The following NEMF variants were observed in gnomAD, a reference collection of about 807,000 sequenced individuals.
The protein encoded by NEMF is nuclear export mediator factor.
Under a neutral mutation model 162.2 loss-of-function variants are expected in NEMF, and 89 were observed. The observed-to-expected ratio is 0.55, with a 90% CI of 0.46 to 0.65. The LOEUF is 0.65. Among genes scored for constraint, NEMF ranks in the 30% least tolerant of loss-of-function variants. The probability of loss-of-function intolerance (pLI) is 0.00; values close to 1 mark genes in which losing one functional copy is unlikely to be tolerated. For synonymous variants in NEMF, 421 were observed against 404.5 expected (o/e 1.04, Z -0.49); for missense variants, 1,133 against 1,261.9 (o/e 0.90, Z 1.55).
At position 49,838,197 on chromosome 14, in the gene NEMF, T is replaced by A; in HGVS notation, c.516A>T (p.Glu172Asp). 6.2e-7 allele frequency: 1 copy of A among 1,613,920 alleles called. No individual in the cohort carries two copies. Among genetic ancestry groups the A allele is most frequent in the Non-Finnish European group, 8.5e-7 (1 of 1,179,854 alleles). Residue 172 changes from glutamate (E) to aspartate (D), a missense_variant, in exon 6 of 33, where the codon GAA becomes GAT. Glu to Asp is a conservative substitution (Grantham distance 45). Around this residue, in one of 3 missense-constraint regions of NEMF, gnomAD observed 582 missense variants for 631.5 expected, o/e 0.92. Coordinates refer to ENST00000298310, the MANE Select transcript of NEMF (RefSeq NM_004713.6). The stretch of plus-strand genomic sequence containing the variant: ...CACCCTTAGGTGCGCTGGCTACTAT[T>A]TCAGTCAACCTGTGAAACAAAACGG... ...EPLLTLERLT[E>D]IVASAPKGEL...
intron 25 of NEMF, among the ~76,000 whole-genome samples, chr14:49,799,207 C>CAGAA (rs1890835399): frequency 1.7e-5 from 1 of 59,062 alleles, no homozygotes; most frequent in Non-Finnish European, 2.8e-5. Context: ...GACCCTGTTT[C>CAGAA]AAAAAAAAAA....
chr14:49,822,301 TAAAA>T (rs1892109429), intron 16 of NEMF, among the ~76,000 whole-genome samples: 1 of 76,824 alleles, frequency 1.3e-5, no homozygotes, highest in African/African-American at 5.1e-5. Context: ...AAAAATAAAA[TAAAA>T]TAAAAATAAA....
Position 49,832,089 on chromosome 14 carries a change from A to C in NEMF, c.844T>G (p.Ser282Ala). The part of the protein sequence containing the change: ...EFHPFLFSQH[S>A]QCPYIEFESF... Reference sequence around the variant, plus strand: ...TCAAATTCTATATATGGACATTGTGAATGTTGAGAAAACAAGAAAGGATGA... The same window carrying C: ...TCAAATTCTATATATGGACATTGTGCATGTTGAGAAAACAAGAAAGGATGA... Residue 282 changes from serine to alanine, a missense_variant, in exon 10 of 33, where the codon TCA (serine) becomes GCA (alanine). This residue lies in a region of NEMF where 582 missense variants were observed against 631.5 expected (regional missense o/e 0.92). Coordinates refer to ENST00000298310, the MANE Select transcript of NEMF (RefSeq NM_004713.6). The C allele has an allele frequency of 6.2e-7, 1 of 1,607,402 alleles. No homozygotes were observed. Among genetic ancestry groups the C allele is most frequent in the Non-Finnish European group, 8.5e-7 (1 of 1,177,864 alleles).
At chr14:49,814,237 T>C (rs1190651592) in intron 17 of NEMF, among the ~76,000 whole-genome samples, 187 bp from the exon 18 acceptor site, 3 of 152,080 alleles carry the variant, frequency 2.0e-5, no homozygotes, top group African/African-American at 7.2e-5. Flanking sequence ...GTAGCTGGGA[T>C]TACAGGCGTG....
At chr14:49,802,233 C>T (rs1890989100) in intron 22 of NEMF, among the ~76,000 whole-genome samples, 1 of 151,716 alleles carries the variant, frequency 6.6e-6, no homozygotes, top group South Asian at 2.1e-4. Context: ...CAGACATGAG[C>T]CACAATGCCC....
At position 49,782,792 on chromosome 14, in the gene NEMF, A is replaced by T. The variant is rs962469784; in HGVS notation, c.*1844T>A. 40 of 1,599,768 alleles carry T rather than the reference A, an allele frequency of 2.5e-5. No individual in the cohort carries two copies. The highest frequency in any genetic ancestry group is 3.2e-5 in the Non-Finnish European group (38 of 1,173,964). On this transcript the variant is annotated 3_prime_UTR_variant, in exon 33 of 33. Coordinates refer to ENST00000298310, the MANE Select transcript of NEMF (RefSeq NM_004713.6). ...CAAGTGAATGTACTTCCAAACAGTA[A>T]AGTGAAATTACTTTTCTCTTTCCTT...
Position 49,783,853 on chromosome 14 carries a change from TA to T in NEMF, c.*782del, listed in dbSNP as rs555624251. ...ACTTATATTTTACATTTTGGTCTAA[TA>T]TTTTTTTCTGACAAGTATCAATGAA... On this transcript the variant is annotated 3_prime_UTR_variant, in exon 33 of 33. Coordinates refer to ENST00000298310, the MANE Select transcript of NEMF (RefSeq NM_004713.6). 195 of 152,294 alleles carry T rather than the reference TA, an allele frequency of 1.3e-3. 2 individuals carry two copies. The highest frequency in any genetic ancestry group is 4.5e-3 in the African/African-American group (185 of 41,572). 9.4% of individuals were successfully genotyped at this position (152,294 alleles called of 1,614,324 possible).
At position 49,812,879 on chromosome 14, in the gene NEMF, G is replaced by A. The variant is rs557675726; in HGVS notation, c.1744+1109C>T. On this transcript the variant is annotated intron_variant, in intron 18 of 32. Transcript: ENST00000298310. The stretch of plus-strand genomic sequence containing the variant: ...ACCGTCTCAGCTCCTGGGTTCAAGC[G>A]ATTCTCCTGCCTCAGCCTCCCGAGT... 1.7e-4 allele frequency among the ~76,000 whole-genome samples: 26 copies of A among 152,022 alleles called. 1 individual carries two copies. The highest frequency in any genetic ancestry group is 7.9e-4 in the Admixed American group (12 of 15,264).
chr14:49,850,049 CA>C (rs1244921546), intron 3 of NEMF, among the ~76,000 whole-genome samples: 1 of 151,986 alleles, frequency 6.6e-6, no homozygotes, highest in Non-Finnish European at 1.5e-5. Context: ...AGGAGCGGAG[CA>C]GGAAGGAAAT....
chr14:49,793,019 AC>A (rs1303260548), intron 26 of NEMF, among the ~76,000 whole-genome samples: 4 of 152,076 alleles, frequency 2.6e-5, no homozygotes, highest in African/African-American at 9.7e-5. Context: ...ACACAGAAAA[AC>A]CATTCAGTAA....
chr14:49,810,060 C>A (rs1021125683), intron 18 of NEMF, among the ~76,000 whole-genome samples: 3 of 151,056 alleles, frequency 2.0e-5, no homozygotes, highest in Non-Finnish European at 4.4e-5. Flanking sequence ...TAAAACTGGT[C>A]GAAAAAAATG....
rs756145153 is a variant in NEMF at position 49,829,393 on chromosome 14, G to C, written c.979C>G (p.Arg327Gly). Residue 327 changes from arginine to glycine, a missense_variant, in exon 12 of 33, where the codon CGA becomes GGA. Arg to Gly is a moderately radical substitution (Grantham distance 125, BLOSUM62 -2). Around this residue, in one of 3 missense-constraint regions of NEMF, gnomAD observed 582 missense variants for 631.5 expected, o/e 0.92. Coordinates refer to ENST00000298310, the MANE Select transcript of NEMF (RefSeq NM_004713.6). ...KQALKKLDNV[R>G]KDHENRLEAL... ...TCCAATCTGTTTTCGTGATCCTTTC[G>C]AACATTATCTAATTTCTTCAATGCT... is the stretch of plus-strand genomic sequence containing the variant. 3 of 1,613,872 alleles carry C rather than the reference G, an allele frequency of 1.9e-6. No homozygotes were observed. The highest frequency in any genetic ancestry group is 2.5e-6 in the Non-Finnish European group (3 of 1,179,992).
chr14:49,822,318 A>G (rs1483870033), intron 16 of NEMF, among the ~76,000 whole-genome samples: 2 of 150,886 alleles, frequency 1.3e-5, no homozygotes, highest in African/African-American at 4.9e-5. Context: ...AAAATAAAAG[A>G]ATGATGCACA....
chr14:49,795,744 A>T, intron 26 of NEMF, 47 bp downstream of exon 26: 1 of 1,529,724 alleles, frequency 6.5e-7, no homozygotes, highest in Non-Finnish European at 8.8e-7. Flanking sequence ...ATTAAAAAGG[A>T]ACCTCACAAA....
rs185703465 is a variant in NEMF, at chr14:49,793,265, G to A, written c.2619+2526C>T. 6.0e-4 allele frequency among the ~76,000 whole-genome samples: 92 copies of A among 152,210 alleles called. 1 individual carries two copies. In the Middle Eastern group the frequency reaches 0.014, roughly 23 times the overall value. The stretch of plus-strand genomic sequence containing the variant: ...AGAAGAAAAGCCATAATTTGCAGAC[G>A]ATATGACTGCCTACAGATGAAGTAT... On this transcript the variant is annotated intron_variant, in intron 26 of 32. Coordinates refer to ENST00000298310, the MANE Select transcript of NEMF (RefSeq NM_004713.6).
In NEMF at chr14:49,795,958, A is replaced by T. The variant is rs552872925; in HGVS notation, c.2466-14T>A. The T allele has an allele frequency of 6.3e-7, 1 of 1,579,144 alleles. No homozygotes were observed. Among genetic ancestry groups the T allele is most frequent in the South Asian group, 1.2e-5 (1 of 85,836 alleles). Reference sequence around the variant, plus strand: ...TTTTTCATTTCCCTGAATAAAAAAGACATGAAAACATTTCATTCTTAGAAT... The same window carrying T: ...TTTTTCATTTCCCTGAATAAAAAAGTCATGAAAACATTTCATTCTTAGAAT... On this transcript the variant is annotated splice_polypyrimidine_tract_variant and intron_variant, in intron 25 of 32. Transcript: ENST00000298310.
intron 18 of NEMF, among the ~76,000 whole-genome samples, chr14:49,811,373 T>C (rs1233923873): frequency 1.3e-5 from 2 of 152,218 alleles, no homozygotes; most frequent in African/African-American, 2.4e-5. Context: ...TTTTTAAATG[T>C]GTGTGACCAT....
rs1254927701 is a variant in NEMF, at chr14:49,802,747, T to A, written c.1916-20A>T. On this transcript the variant is annotated intron_variant, in intron 20 of 32. Transcript: ENST00000298310. ...TTTTTCCTACAAAAGATAACGTACA[T>A]TAATGCTTTGAAAATCAGTCTTCTC... is the stretch of plus-strand genomic sequence containing the variant. 1.3e-6 allele frequency: 2 copies of A among 1,570,078 alleles called. No individual in the cohort carries two copies. The highest frequency in any genetic ancestry group is 2.3e-5 in the South Asian group (2 of 86,648).
chr14:49,848,999 T>A (rs1893648580), intron 3 of NEMF, among the ~76,000 whole-genome samples: 1 of 152,124 alleles, frequency 6.6e-6, no homozygotes, highest in African/African-American at 2.4e-5. Context: ...AACATTTTCA[T>A]AACTAAGAAG....
Sources: gnomAD v4.1 joint callset for allele counts (sites outside exome capture counted in the v4.1 genomes callset) on GRCh38, gnomAD v4.1.1 for gene constraint, gnomAD v4.1.1 regional missense constraint, MANE v1.5 for transcripts, NCBI Gene and HGNC (gene_info 2026-07-23, HGNC 2026-07-21) for gene names.